CLUH: variants seen among roughly 807,000 people sequenced by gnomAD.
CLUH encodes clustered mitochondria protein homolog.
Under a neutral mutation model 139.3 loss-of-function variants are expected in CLUH, and 77 were observed. The observed-to-expected ratio is 0.55, with a 90% CI of 0.46 to 0.67. The LOEUF is 0.67. Among genes scored for constraint, CLUH ranks in the 30% least tolerant of loss-of-function variants. The pLI is 0.00. For synonymous variants in CLUH, 999 were observed against 801.6 expected, an observed-to-expected ratio of 1.25 and a Z score of -4.16; for missense variants, 1,876 against 1,875.8, an observed-to-expected ratio of 1.00 and a Z score of 0.00.
At chr17:2,699,077 T>C (rs1317741901) in intron 9 of CLUH, among the ~76,000 whole-genome samples, 1 of 151,990 alleles carries the variant, frequency 6.6e-6, no homozygotes, top group Admixed American at 6.6e-5. Flanking sequence ...AAAACCCCCA[T>C]GTTTTGAGAA....
Position 2,694,883 on chromosome 17 carries a change from C to G in CLUH, c.2826G>C (p.Lys942Asn). The G allele has an allele frequency of 2.2e-6, 3 of 1,382,016 alleles. No homozygotes were observed. The South Asian group carries it at 3.6e-5, about 17-fold the overall frequency. The allele number at this position is 1,382,016 out of a possible 1,614,324, so 85.6% of individuals were successfully genotyped here. ...ACTCGAGGTCGAAGTCAAAGTAGTT[C>G]TTGGCCTCCTGGCAGATGTTCTTCC... ...ELWKNICQEA[K>N]NYFDFDLECE... Residue 942 changes from lysine to asparagine, a missense_variant, in exon 16 of 26, where the codon AAG (lysine) becomes AAC (asparagine). Coordinates refer to ENST00000651024, the MANE Select transcript of CLUH (RefSeq NM_001366661.1).
chr17:2,695,645 T>C, intron 13 of CLUH, 119 bp from the exon 14 acceptor site: 1 of 1,311,796 alleles, frequency 7.6e-7, no homozygotes. Context: ...AGGCTCCAGC[T>C]CCCAGTCAGG....
intron 24 of CLUH, 38 bp from the exon 25 acceptor site, chr17:2,691,720 G>GCGCTCGCC: frequency 6.2e-7 from 1 of 1,604,076 alleles, no homozygotes; most frequent in Non-Finnish European, 8.5e-7. Context: ...CGGGGCTCCC[G>GCGCTCGCC]CGCTCGCCGG....
chr17:2,707,282 T>C lies in CLUH; in HGVS notation c.101-2718A>G. ...CCCCAGCATTGCCCGGGTTCCTTGT[T>C]CCAGCCTCTGCCGCTACCCTTGCCC... On this transcript the variant is annotated intron_variant, in intron 1 of 25. Transcript: ENST00000651024. This position sits in a 1 kb window ranked among gnomAD's most constrained non-coding sequence, Gnocchi z 7.4. 1.0e-6 allele frequency: 1 copy of C among 985,444 alleles called. No homozygotes were observed. Among genetic ancestry groups the C allele is most frequent in the African/African-American group, 1.7e-5 (1 of 57,368 alleles). 61.0% of individuals were successfully genotyped at this position (985,444 alleles called of 1,614,324 possible).
chr17:2,691,945 G>GT, intron 23 of CLUH, 50 bp from the exon 24 acceptor site: 4 of 1,172,312 alleles, frequency 3.4e-6, no homozygotes, highest in Non-Finnish European at 4.4e-6. Flanking sequence ...CCGCGGCCCC[G>GT]CCCCCGCCCC....
Position 2,692,267 on chromosome 17 carries a change from G to A in CLUH, c.3560+94C>T, listed in dbSNP as rs1311561722. ...GAGGTCGAGAGAAATTTTCTCGGGTGGAGGAAGACAGGAGCACTGGGTCTC... is the reference window on the plus strand; with the variant it reads ...GAGGTCGAGAGAAATTTTCTCGGGTAGAGGAAGACAGGAGCACTGGGTCTC... On this transcript the variant is annotated intron_variant, in intron 22 of 25. Coordinates refer to ENST00000651024, the MANE Select transcript of CLUH (RefSeq NM_001366661.1). 1.6e-5 allele frequency: 24 copies of A among 1,456,588 alleles called. No homozygotes were observed. In the East Asian group the frequency reaches 5.7e-4, roughly 35 times the overall value. The allele number at this position is 1,456,588 out of a possible 1,614,324, so 90.2% of individuals were successfully genotyped here.
In CLUH at chr17:2,694,533, C is replaced by T. The variant is rs535658672; in HGVS notation, c.2884G>A (p.Gly962Ser). The change falls in exon 17 of 26, where the codon GGC becomes AGC. Residue 962 changes from glycine (G) to serine (S), a missense_variant. By Grantham distance (56) the Gly-to-Ser change is moderately conservative. Coordinates refer to ENST00000651024, the MANE Select transcript of CLUH (RefSeq NM_001366661.1). ...ETVDQAVETY[G>S]LQKITLLREI... Reference sequence around the variant, plus strand: ...CGCAGGAGCGTTATCTTCTGCAGGCCGTAGGTCTCCACAGCCTGGTCCACG... The same window carrying T: ...CGCAGGAGCGTTATCTTCTGCAGGCTGTAGGTCTCCACAGCCTGGTCCACG... 2.4e-5 allele frequency: 38 copies of T among 1,582,560 alleles called. No individual in the cohort carries two copies. The South Asian group carries it at 3.8e-4, about 16-fold the overall frequency.
At chr17:2,691,715 C>T (rs774528075) in intron 24 of CLUH, 33 bp from the exon 25 acceptor site, 1 of 1,605,676 alleles carries the variant, frequency 6.2e-7, no homozygotes, top group Non-Finnish European at 8.5e-7. Context: ...GTGAGCGGGG[C>T]TCCCGCGCTC....
At position 2,700,811 on chromosome 17, in the gene CLUH, G is replaced by T; in HGVS notation, c.1040C>A (p.Pro347Gln). ...VLQKKRVQRH[P>Q]FERIATPFQV... Reference sequence around the variant, plus strand: ...GAATGGGGTGGCGATCCTCTCGAACGGGTGGCGCTGGACCCTGTGGCAGGC... The same window carrying T: ...GAATGGGGTGGCGATCCTCTCGAACTGGTGGCGCTGGACCCTGTGGCAGGC... Residue 347 changes from proline (P) to glutamine (Q), a missense_variant, in exon 8 of 26, where the codon CCG (proline) becomes CAG (glutamine). Physicochemically the swap from Pro to Gln is moderately conservative, Grantham distance 76. This residue lies in a region of CLUH where 270 missense variants were observed against 354.7 expected (regional missense o/e 0.76). Coordinates refer to ENST00000651024, the MANE Select transcript of CLUH (RefSeq NM_001366661.1). 6.6e-7 allele frequency: 1 copy of T among 1,525,360 alleles called. No homozygotes were observed. Among genetic ancestry groups the T allele is most frequent in the Non-Finnish European group, 8.8e-7 (1 of 1,142,480 alleles). 94.5% of individuals were successfully genotyped at this position (1,525,360 alleles called of 1,614,324 possible). A position where few individuals can be genotyped will look rare whatever the true frequency, so the allele number is the denominator to read the frequency against.
At chr17:2,697,874 G>A in intron 10 of CLUH, 22 bp downstream of exon 10, 1 of 1,457,328 alleles carries the variant, frequency 6.9e-7, no homozygotes, top group Non-Finnish European at 9.0e-7. Flanking sequence ...CCCGGCCCTG[G>A]TCCGGCAGGG....
Position 2,700,336 on chromosome 17 carries a change from G to A in CLUH, c.1266+46C>T, listed in dbSNP as rs763588244. 1.9e-5 allele frequency: 30 copies of A among 1,547,878 alleles called. No individual in the cohort carries two copies. The Admixed American group carries it at 5.3e-4, about 27-fold the overall frequency. Reference sequence around the variant, plus strand: ...TCTCCATGAGAAAACCCGTCAGCAGGTGGACAGCGGGCCTCAGACTGCCGG... The same window carrying A: ...TCTCCATGAGAAAACCCGTCAGCAGATGGACAGCGGGCCTCAGACTGCCGG... On this transcript the variant is annotated intron_variant, in intron 9 of 25. Transcript: ENST00000651024.
At position 2,704,640 on chromosome 17, in the gene CLUH, G is replaced by T; in HGVS notation, c.101-76C>A. 7.3e-7 allele frequency: 1 copy of T among 1,374,568 alleles called. No homozygotes were observed. Among genetic ancestry groups the T allele is most frequent in the Non-Finnish European group, 9.8e-7 (1 of 1,024,934 alleles). The allele number at this position is 1,374,568 out of a possible 1,614,324, so 85.1% of individuals were successfully genotyped here. On this transcript the variant is annotated intron_variant, in intron 1 of 25. Transcript: ENST00000651024. This position sits in a 1 kb window ranked among gnomAD's most constrained non-coding sequence, Gnocchi z 5.7. ...GGCTGTCCGCCTGACCCCACACGGGGACACGTGCCTTCTGGAAAGGCATCT... is the reference window on the plus strand; with the variant it reads ...GGCTGTCCGCCTGACCCCACACGGGTACACGTGCCTTCTGGAAAGGCATCT...
Position 2,696,441 on chromosome 17 carries a change from G to T in CLUH, c.2283C>A (p.Phe761Leu). The change falls in exon 12 of 26, where the codon TTC becomes TTA. Residue 761 changes from phenylalanine (F) to leucine (L), a missense_variant. Coordinates refer to ENST00000651024, the MANE Select transcript of CLUH (RefSeq NM_001366661.1). The part of the protein sequence containing the change: ...AFDIRFNPDI[F>L]SPGVRFPESC... ...CCGGCCCCCACCACCTGCCTGGTGA[G>T]AAGATGTCAGGATTGAAGCGAATGT... 6.3e-7 allele frequency: 1 copy of T among 1,588,468 alleles called. No individual in the cohort carries two copies. The highest frequency in any genetic ancestry group is 1.1e-5 in the South Asian group (1 of 87,096).
intron 1 of CLUH, chr17:2,708,075 GGGA>G (rs1204124723): frequency 4.4e-6 from 4 of 906,504 alleles, no homozygotes; most frequent in Admixed American, 1.2e-4. Context: ...CGCACGGCGG[GGGA>G]GGAGGTGCCC....
In CLUH at chr17:2,701,247, G is replaced by A. The variant is rs374341505; in HGVS notation, c.918C>T (p.Phe306=). ...AGCGGGGGCTGGCGGGCTTGGGGTTGAAGTGATAAGCTGTGGACCTGCAGG... is the reference window on the plus strand; with the variant it reads ...AGCGGGGGCTGGCGGGCTTGGGGTTAAAGTGATAAGCTGTGGACCTGCAGG... ...FYLNQSTAYH[F]NPKPASPRFL... The change falls in exon 7 of 26, where the codon TTC becomes TTT. Residue 306 remains phenylalanine (F), a synonymous_variant. Coordinates refer to ENST00000651024, the MANE Select transcript of CLUH (RefSeq NM_001366661.1). 23 of 1,612,858 alleles carry A rather than the reference G, an allele frequency of 1.4e-5. No homozygotes were observed. The Admixed American group carries it at 1.7e-4, about 12-fold the overall frequency.
Position 2,690,269 on chromosome 17 carries a change from C to T in CLUH, c.*325G>A, listed in dbSNP as rs566025086. On this transcript the variant is annotated 3_prime_UTR_variant, in exon 26 of 26. Transcript: ENST00000651024. ...GTACAGGGGAGAGGAACGGTCAACA[C>T]TCACAGCCAGGGGCGCACTCGCACA... The T allele has an allele frequency of 3.2e-6, 1 of 316,068 alleles. No individual in the cohort carries two copies. Among genetic ancestry groups the T allele is most frequent in the Non-Finnish European group, 5.8e-6 (1 of 172,878 alleles). 19.6% of individuals were successfully genotyped at this position (316,068 alleles called of 1,614,324 possible). A position where few individuals can be genotyped will look rare whatever the true frequency, so the allele number is the denominator to read the frequency against.
Position 2,702,165 on chromosome 17 carries a change from C to T in CLUH, c.476-108G>A. ...GTGCTAACACAGTGGTTTTAATTTT[C>T]AACTTTAGGTTTCCGTTTTCAAATT... On this transcript the variant is annotated intron_variant, in intron 3 of 25. Transcript: ENST00000651024. 1.7e-5 allele frequency: 23 copies of T among 1,368,470 alleles called. 1 individual carries two copies. The South Asian group carries it at 3.3e-4, about 20-fold the overall frequency. The allele number at this position is 1,368,470 out of a possible 1,614,324, so 84.8% of individuals were successfully genotyped here. A position where few individuals can be genotyped will look rare whatever the true frequency, so the allele number is the denominator to read the frequency against.
At chr17:2,702,602 C>T (rs531651871) in intron 3 of CLUH, among the ~76,000 whole-genome samples, 2 of 152,344 alleles carry the variant, frequency 1.3e-5, no homozygotes, top group East Asian at 3.9e-4. Flanking sequence ...CTGCTCTCAA[C>T]AGGCGGACAG....
Position 2,694,268 on chromosome 17 carries a change from C to T in CLUH, c.2946G>A (p.Leu982=). 1.3e-6 allele frequency: 2 copies of T among 1,590,204 alleles called. No homozygotes were observed. Among genetic ancestry groups the T allele is most frequent in the Middle Eastern group, 1.7e-4 (1 of 5,956 alleles). The change falls in exon 18 of 26, where the codon CTG becomes CTA. Residue 982 remains leucine, a synonymous_variant. Coordinates refer to ENST00000651024, the MANE Select transcript of CLUH (RefSeq NM_001366661.1). ...ISLKTGIQVL[L]KEYSFDSRHK... The stretch of plus-strand genomic sequence containing the variant: ...GGCGACTGTCGAAGCTGTACTCCTT[C>T]AGCAGGACCTGGGGGGCAGCCCCCC...
Sources: allele counts gnomAD v4.1 joint callset (sites outside exome capture counted in the v4.1 genomes callset), GRCh38; gene constraint gnomAD v4.1.1; regional missense constraint gnomAD v4.1.1; non-coding constraint Gnocchi (gnomAD v3.1); transcripts MANE v1.5; gene names NCBI Gene and HGNC (gene_info 2026-07-23, HGNC 2026-07-21).